The following SNX31 variants were observed in gnomAD, a reference collection of about 807,000 sequenced individuals.
The protein encoded by SNX31 is sorting nexin-31.
Under a neutral mutation model 65.4 loss-of-function variants are expected in SNX31, and 58 were observed. The ratio of observed to expected loss-of-function variants is 0.89; its 90% CI spans 0.72 to 1.10. The LOEUF is 1.10. Ranked by LOEUF, SNX31 falls within the 50% of genes least tolerant of loss-of-function variation. The pLI is 0.00. For synonymous variants in SNX31, 181 were observed against 190.1 expected, an observed-to-expected ratio of 0.95 and a Z score of 0.39; for missense variants, 523 against 529.7, an observed-to-expected ratio of 0.99 and a Z score of 0.12.
intron 3 of SNX31, among the ~76,000 whole-genome samples, chr8:100,632,812 G>T (rs1170469201): frequency 6.6e-6 from 1 of 152,010 alleles, no homozygotes; most frequent in Non-Finnish European, 1.5e-5. Flanking sequence ...GCTCAGGTTG[G>T]TCTCAAATTC....
At chr8:100,623,665 C>T (rs1817852604) in intron 4 of SNX31, among the ~76,000 whole-genome samples, 1 of 152,154 alleles carries the variant, frequency 6.6e-6, no homozygotes, top group African/African-American at 2.4e-5. Flanking sequence ...GGTGCCCTTC[C>T]TCCACCTGAT....
At position 100,631,122 on chromosome 8, in the gene SNX31, A is replaced by G. The variant is rs192623791; in HGVS notation, c.257-731T>C. ...CCTTTGAATGATAGGAGTTCTCGAG[A>G]TGTTACCAAAAAAAAGCAATGATAA... On this transcript the variant is annotated intron_variant, in intron 3 of 13. Transcript: ENST00000311812. Among the ~76,000 whole-genome samples the G allele has an allele frequency of 1.7e-3, 257 of 152,160 alleles. 1 individual carries two copies. The highest frequency in any genetic ancestry group is 3.9e-3 in the Admixed American group (59 of 15,286).
chr8:100,626,659 G>A lies in SNX31; in HGVS notation c.321+3668C>T, dbSNP rs1036641322. Among the ~76,000 whole-genome samples, 4 of 152,170 alleles carry A rather than the reference G, an allele frequency of 2.6e-5. No individual in the cohort carries two copies. The East Asian group carries it at 7.7e-4, about 29-fold the overall frequency. ...ACAGCAGCCTGTTTCAAAGTTGATT[G>A]ATGACTTAAAGATAACTGGCAAGGG... On this transcript the variant is annotated intron_variant, in intron 4 of 13. Coordinates refer to ENST00000311812, the MANE Select transcript of SNX31 (RefSeq NM_152628.4). This position sits in a 1 kb window ranked among gnomAD's most constrained non-coding sequence, Gnocchi z 4.4.
intron 4 of SNX31, among the ~76,000 whole-genome samples, chr8:100,624,201 G>A (rs1232465305): frequency 6.6e-6 from 1 of 152,172 alleles, no homozygotes; most frequent in African/African-American, 2.4e-5. Flanking sequence ...TGTAATCCCA[G>A]CTCCTGGGGA....
At chr8:100,618,426 T>C (rs1817425717) in intron 4 of SNX31, 2 of 940,676 alleles carry the variant, frequency 2.1e-6, no homozygotes, top group South Asian at 1.4e-5. Flanking sequence ...TGTTTCCATG[T>C]AGCAACCAAT....
chr8:100,615,984 C>T (rs1817161258), intron 5 of SNX31, among the ~76,000 whole-genome samples: 1 of 152,068 alleles, frequency 6.6e-6, no homozygotes, highest in African/African-American at 2.4e-5. Flanking sequence ...CTGTGTTAGC[C>T]AGAATGGTCT....
Position 100,576,415 on chromosome 8 carries a change from T to G in SNX31, c.1227+604A>C, listed in dbSNP as rs1192109814. 1.3e-5 allele frequency among the ~76,000 whole-genome samples: 2 copies of G among 152,176 alleles called. No individual in the cohort carries two copies. The highest frequency in any genetic ancestry group is 2.4e-5 in the African/African-American group (1 of 41,438). On this transcript the variant is annotated intron_variant, in intron 13 of 13. Transcript: ENST00000311812. This position sits in a 1 kb window ranked among gnomAD's most constrained non-coding sequence, Gnocchi z 4.8. Reference sequence around the variant, plus strand: ...TAAGGGCATAGTTCCAGGGTCAGACTGCCTGCTTCTTTCCATCTTTGACTG... The same window carrying G: ...TAAGGGCATAGTTCCAGGGTCAGACGGCCTGCTTCTTTCCATCTTTGACTG...
rs1422446422 is a variant in SNX31 at position 100,613,417 on chromosome 8, T to C, written c.433-332A>G. On this transcript the variant is annotated intron_variant, in intron 5 of 13. Coordinates refer to ENST00000311812, the MANE Select transcript of SNX31 (RefSeq NM_152628.4). The surrounding 1 kb of genome is among the most constrained non-coding windows in gnomAD (Gnocchi z 5.2). ...ATTTTCCCCTGGAGGGCAGCAGCCA[T>C]GTTCCATGAACATCTGTCCTTCTGT... Among the ~76,000 whole-genome samples, 1 of 152,204 alleles carries C rather than the reference T, an allele frequency of 6.6e-6. No homozygotes were observed. Among genetic ancestry groups the C allele is most frequent in the Non-Finnish European group, 1.5e-5 (1 of 68,028 alleles).
intron 2 of SNX31, among the ~76,000 whole-genome samples, chr8:100,643,337 G>A (rs942392353): frequency 6.6e-6 from 1 of 151,910 alleles, no homozygotes; most frequent in African/African-American, 2.4e-5. Flanking sequence ...CCACCTTACT[G>A]CATTCACACC....
At chr8:100,651,796 G>T (rs553471639), upstream of SNX31, among the ~76,000 whole-genome samples, 1 of 152,302 alleles carries the variant, frequency 6.6e-6, no homozygotes, top group South Asian at 2.1e-4. Context: ...TCATTTCACA[G>T]ATGGGGAAAC....
At position 100,649,531 on chromosome 8, in the gene SNX31, G is replaced by A; in HGVS notation, c.-17C>T. 6.4e-7 allele frequency: 1 copy of A among 1,557,964 alleles called. No homozygotes were observed. ...CATCTTCATGGCTGAGCGGTGTCTT[G>A]GGAGTAGCGCTGGGAACCCGACCTG... On this transcript the variant is annotated 5_prime_UTR_variant, in exon 1 of 14. Coordinates refer to ENST00000311812, the MANE Select transcript of SNX31 (RefSeq NM_152628.4).
Position 100,660,813 on chromosome 8 carries a change from G to A in SNX31, c.-58+2329C>T, listed in dbSNP as rs1809772869. ...AGAATCATAAATCTGAATAATATTT[G>A]TAAAAGGGCTGCTTTGAGAGGTTCT... On this transcript the variant is annotated intron_variant, in intron 1 of 5. Transcript: ENST00000520352. The surrounding 1 kb of genome is among the most constrained non-coding windows in gnomAD (Gnocchi z 4.1). Among the ~76,000 whole-genome samples the A allele has an allele frequency of 6.6e-6, 1 of 152,172 alleles. No homozygotes were observed.
At position 100,584,098 on chromosome 8, in the gene SNX31, T is replaced by G; in HGVS notation, c.1170+13A>C. 4 of 1,600,018 alleles carry G rather than the reference T, an allele frequency of 2.5e-6. No individual in the cohort carries two copies. Among genetic ancestry groups the G allele is most frequent in the Non-Finnish European group, 3.4e-6 (4 of 1,173,932 alleles). ...ACGTAAAGTGAAAAATAGACACAGA[T>G]AAGAGCACTCACCATTTCTGTATTC... is the stretch of plus-strand genomic sequence containing the variant. On this transcript the variant is annotated intron_variant, in intron 12 of 13. Transcript: ENST00000311812.
In SNX31 at chr8:100,660,937, A is replaced by G. The variant is rs1368711214; in HGVS notation, c.-58+2205T>C. On this transcript the variant is annotated intron_variant, in intron 1 of 5. Coordinates refer to the SNX31 transcript ENST00000520352. This position sits in a 1 kb window ranked among gnomAD's most constrained non-coding sequence, Gnocchi z 4.1. ...CCTTTATATTTTCCTCATGCCATACAGTTTTTAGGAGCATTCTGATGAACA... is the reference window on the plus strand; with the variant it reads ...CCTTTATATTTTCCTCATGCCATACGGTTTTTAGGAGCATTCTGATGAACA... Among the ~76,000 whole-genome samples, 1 of 151,960 alleles carries G rather than the reference A, an allele frequency of 6.6e-6. No individual in the cohort carries two copies. Among genetic ancestry groups the G allele is most frequent in the South Asian group, 2.1e-4 (1 of 4,830 alleles).
Position 100,612,941 on chromosome 8 carries a change from C to T in SNX31, c.523+54G>A. 1 of 1,507,722 alleles carries T rather than the reference C, an allele frequency of 6.6e-7. No homozygotes were observed. Among genetic ancestry groups the T allele is most frequent in the Non-Finnish European group, 9.2e-7 (1 of 1,083,446 alleles). The allele number at this position is 1,507,722 out of a possible 1,614,324, so 93.4% of individuals were successfully genotyped here. On this transcript the variant is annotated intron_variant, in intron 6 of 13. Coordinates refer to ENST00000311812, the MANE Select transcript of SNX31 (RefSeq NM_152628.4). This position sits in a 1 kb window ranked among gnomAD's most constrained non-coding sequence, Gnocchi z 4.3. ...CAGCTGTGACTCCTATGAGCCCCTG[C>T]TCACACCTGTCCACCCCATCTCCTA...
upstream of SNX31, among the ~76,000 whole-genome samples, chr8:100,654,181 A>T (rs918448894): frequency 1.3e-5 from 2 of 151,138 alleles, no homozygotes; most frequent in African/African-American, 2.4e-5. Flanking sequence ...TAATTTTTTA[A>T]TTTTTTTGGT....
chr8:100,626,932 T>C lies in SNX31; in HGVS notation c.321+3395A>G, dbSNP rs535678586. 6.6e-6 allele frequency among the ~76,000 whole-genome samples: 1 copy of C among 152,216 alleles called. No individual in the cohort carries two copies. The highest frequency in any genetic ancestry group is 2.4e-5 in the African/African-American group (1 of 41,532). The stretch of plus-strand genomic sequence containing the variant: ...GCCATTACAAAAGTGAAAATTGTGT[T>C]AGAAAAAGTAAAAAGAGGCACTGAA... On this transcript the variant is annotated intron_variant, in intron 4 of 13. Coordinates refer to ENST00000311812, the MANE Select transcript of SNX31 (RefSeq NM_152628.4). The surrounding 1 kb of genome is among the most constrained non-coding windows in gnomAD (Gnocchi z 4.4).
At chr8:100,641,562 AAAAATATATATAT>A (rs1422447060) in intron 2 of SNX31, among the ~76,000 whole-genome samples, 11 of 28,084 alleles carry the variant, frequency 3.9e-4, no homozygotes, top group African/African-American at 2.9e-3. Flanking sequence ...AAAAAAAAAA[AAAAATATATATAT>A]ATATATATAT....
intron 4 of SNX31, chr8:100,618,081 A>G (rs1053389724): frequency 2.0e-6 from 2 of 985,354 alleles, no homozygotes; most frequent in South Asian, 9.4e-5. Context: ...ACCATTTTTT[A>G]AAGCTGCACC....
Sources: gnomAD v4.1 joint callset for allele counts (sites outside exome capture counted in the v4.1 genomes callset) on GRCh38, gnomAD v4.1.1 for gene constraint, Gnocchi (gnomAD v3.1) non-coding constraint, MANE v1.5 for transcripts, NCBI Gene and HGNC (gene_info 2026-07-23, HGNC 2026-07-21) for gene names.